NTHL1: variants seen among roughly 807,000 people sequenced by gnomAD.
NTHL1 encodes the protein nth like DNA glycosylase 1, also known as endonuclease III-like protein 1.
NTHL1 carries 32 observed loss-of-function variants against 32.3 expected under a neutral mutation model. The ratio of observed to expected loss-of-function variants is 0.99; its 90% CI spans 0.75 to 1.33. The LOEUF (loss-of-function observed/expected upper bound fraction) is 1.33, where lower values mean the gene tolerates loss of function less well. Ranked by LOEUF, NTHL1 falls within the 40% of genes most tolerant of loss-of-function variation. The pLI, the probability that NTHL1 is intolerant of heterozygous loss-of-function variation, is 0.00. For missense variants in NTHL1, 501 were observed against 414.1 expected (o/e 1.21, Z -1.82); for synonymous variants, 188 against 176.9 (o/e 1.06, Z -0.50).
chr16:2,044,928 C>G lies in NTHL1; in HGVS notation c.355-128G>C, dbSNP rs930291472. The G allele has an allele frequency of 2.7e-5, 30 of 1,092,338 alleles. No homozygotes were observed. The highest frequency in any genetic ancestry group is 1.6e-4 in the South Asian group (10 of 62,368). 67.7% of individuals were successfully genotyped at this position (1,092,338 alleles called of 1,614,324 possible). On this transcript the variant is annotated intron_variant, in intron 2 of 5. Transcript: ENST00000651570. This position sits in a 1 kb window ranked among gnomAD's most constrained non-coding sequence, Gnocchi z 5.0. ...GCCACACTTGAGGCATCAGCCTCCC[C>G]CTGTGGGGTGGGGAGGTCTGGTTTG...
chr16:2,042,627 G>GC (rs1015127684), intron 4 of NTHL1, among the ~76,000 whole-genome samples: 1 of 152,138 alleles, frequency 6.6e-6, no homozygotes, highest in Non-Finnish European at 1.5e-5. Flanking sequence ...GGCCTTAGGA[G>GC]CCCCAAATCC....
Position 2,043,952 on chromosome 16 carries a change from G to A in NTHL1, c.526-226C>T, listed in dbSNP as rs1323448841. On this transcript the variant is annotated intron_variant, in intron 3 of 5. Coordinates refer to ENST00000651570, the MANE Select transcript of NTHL1 (RefSeq NM_002528.7). The surrounding 1 kb of genome is among the most constrained non-coding windows in gnomAD (Gnocchi z 4.4). Reference sequence around the variant, plus strand: ...ACCCGTGTGGGCCAATGATGCACGTGTAGGCTCTGGCTGGGGTTCCCCTGC... The same window carrying A: ...ACCCGTGTGGGCCAATGATGCACGTATAGGCTCTGGCTGGGGTTCCCCTGC... 3.5e-6 allele frequency: 2 copies of A among 578,424 alleles called. No individual in the cohort carries two copies. Among genetic ancestry groups the A allele is most frequent in the Admixed American group, 5.9e-5 (2 of 34,046 alleles). The allele number at this position is 578,424 out of a possible 1,614,324, so 35.8% of individuals were successfully genotyped here. A position where few individuals can be genotyped will look rare whatever the true frequency, so the allele number is the denominator to read the frequency against.
chr16:2,047,405 G>A, intron 1 of NTHL1: 3 of 457,786 alleles, frequency 6.6e-6, no homozygotes, highest in Non-Finnish European at 1.2e-5. Context: ...GCAGGAGGGC[G>A]GGGATGGGAC....
In NTHL1 at chr16:2,040,151, A is replaced by G. The variant is rs758733120; in HGVS notation, c.773T>C (p.Leu258Pro). 1.2e-6 allele frequency: 2 copies of G among 1,613,912 alleles called. No homozygotes were observed. The highest frequency in any genetic ancestry group is 1.7e-5 in the Admixed American group (1 of 60,028). Residue 258 changes from leucine to proline, a missense_variant, in exon 5 of 6, where the codon CTG (leucine) becomes CCG (proline). Leu to Pro is a moderately conservative substitution (Grantham distance 98). Transcript: ENST00000651570. ...CTCATACCTAGGCAGCCACTCCTCC[A>G]GGGCGGCGCGGGTCTCCTCTGGGGA... ...TKSPEETRAA[L>P]EEWLPRELWH...
rs1596216455 is a variant in NTHL1 at position 2,040,206 on chromosome 16, T to C, written c.718A>G (p.Arg240Gly). ...VDTHVHRIAN[R>G]LRWTKKATKS... The stretch of plus-strand genomic sequence containing the variant: ...GTTGCCTTCTTGGTCCACCTCAGCC[T>C]GTTGGCGATTCTGTGCACATGCGTG... The change falls in exon 5 of 6, where the codon AGG becomes GGG. Residue 240 changes from arginine (R) to glycine (G), a missense_variant. Coordinates refer to ENST00000651570, the MANE Select transcript of NTHL1 (RefSeq NM_002528.7). 1 of 1,613,890 alleles carries C rather than the reference T, an allele frequency of 6.2e-7. No homozygotes were observed. The highest frequency in any genetic ancestry group is 1.7e-5 in the Admixed American group (1 of 60,024).
rs2084314062 is a variant in NTHL1 at position 2,044,512 on chromosome 16, C to A, written c.525+118G>T. 4 of 1,355,170 alleles carry A rather than the reference C, an allele frequency of 3.0e-6. No individual in the cohort carries two copies. Among genetic ancestry groups the A allele is most frequent in the Non-Finnish European group, 3.1e-6 (3 of 969,878 alleles). 83.9% of individuals were successfully genotyped at this position (1,355,170 alleles called of 1,614,324 possible). ...CGGCCTGGGGGGGGCTTCAGGGGGACCCCCCGAGCCTGAGATGCTTGACCC... is the reference window on the plus strand; with the variant it reads ...CGGCCTGGGGGGGGCTTCAGGGGGAACCCCCGAGCCTGAGATGCTTGACCC... On this transcript the variant is annotated intron_variant, in intron 3 of 5. Transcript: ENST00000651570. The surrounding 1 kb of genome is among the most constrained non-coding windows in gnomAD (Gnocchi z 5.0).
rs2084243378 is a variant in NTHL1, at chr16:2,040,200, T to C, written c.724A>G (p.Arg242Gly). The C allele has an allele frequency of 6.8e-6, 11 of 1,613,928 alleles. No individual in the cohort carries two copies. Among genetic ancestry groups the C allele is most frequent in the Non-Finnish European group, 9.3e-6 (11 of 1,180,018 alleles). Residue 242 changes from arginine (R) to glycine (G), a missense_variant, in exon 5 of 6, where the codon AGG becomes GGG. Transcript: ENST00000651570. ...THVHRIANRL[R>G]WTKKATKSPE... Reference sequence around the variant, plus strand: ...GACTTGGTTGCCTTCTTGGTCCACCTCAGCCTGTTGGCGATTCTGTGCACA... The same window carrying C: ...GACTTGGTTGCCTTCTTGGTCCACCCCAGCCTGTTGGCGATTCTGTGCACA...
At chr16:2,040,300 C>T (rs2084246732) in intron 4 of NTHL1, 62 bp from the exon 5 acceptor site, 2 of 1,497,880 alleles carry the variant, frequency 1.3e-6, no homozygotes, top group African/African-American at 2.7e-5. Context: ...CGTGCCCCTC[C>T]CCGCCCAGAG....
chr16:2,042,994 A>C (rs537425722), intron 4 of NTHL1, among the ~76,000 whole-genome samples: 1 of 62,232 alleles, frequency 1.6e-5, no homozygotes, highest in African/African-American at 6.3e-5. Context: ...TCCCCACCCC[A>C]CCTGCTGAGG....
intron 4 of NTHL1, chr16:2,041,960 C>A: frequency 2.2e-6 from 1 of 446,034 alleles, no homozygotes; most frequent in Non-Finnish European, 4.5e-6. Flanking sequence ...ACCACGTTGG[C>A]CAGGCTGATC....
chr16:2,047,469 T>G, intron 1 of NTHL1: 3 of 644,964 alleles, frequency 4.7e-6, no homozygotes, highest in Non-Finnish European at 7.7e-6. Context: ...AGGAAGCGTT[T>G]TCTTGCTTGG....
intron 4 of NTHL1, among the ~76,000 whole-genome samples, chr16:2,042,929 T>C (rs1284545392): frequency 1.8e-5 from 1 of 54,408 alleles, no homozygotes; most frequent in Non-Finnish European, 3.4e-5. Flanking sequence ...ATTCCCCTCC[T>C]GTCCCCGCAG....
At chr16:2,046,015 C>G (rs1266623677) in intron 2 of NTHL1, 113 bp downstream of exon 2, 2 of 814,678 alleles carry the variant, frequency 2.5e-6, no homozygotes, top group African/African-American at 3.4e-5. Context: ...GGTGTCCATC[C>G]TCCCAAGGTG....
intron 1 of NTHL1, 116 bp downstream of exon 1, chr16:2,047,593 C>T (rs894967994): frequency 7.7e-6 from 11 of 1,426,136 alleles, no homozygotes; most frequent in South Asian, 4.3e-5. Flanking sequence ...CCGTTCGCGG[C>T]TGCCGGGTTT....
chr16:2,043,699 T>G lies in NTHL1; in HGVS notation c.553A>C (p.Ser185Arg), dbSNP rs2084300945. ...RSKVKYIKQT[S>R]AILQQHYGGD... ...CCGTAGTGCTGCTGCAGGATGGCGC[T>G]GGTCTGCTTGATGTATTTCACCTTG... The change falls in exon 4 of 6, where the codon AGC becomes CGC. Residue 185 changes from serine (S) to arginine (R), a missense_variant. Ser to Arg is a moderately radical substitution (Grantham distance 110). Coordinates refer to ENST00000651570, the MANE Select transcript of NTHL1 (RefSeq NM_002528.7). This position sits in a 1 kb window ranked among gnomAD's most constrained non-coding sequence, Gnocchi z 4.4. 9 of 1,612,160 alleles carry G rather than the reference T, an allele frequency of 5.6e-6. No homozygotes were observed. Among genetic ancestry groups the G allele is most frequent in the Non-Finnish European group, 7.6e-6 (9 of 1,179,968 alleles).
In NTHL1 at chr16:2,043,495, C is replaced by T; in HGVS notation, c.685+72G>A. 2 of 1,585,164 alleles carry T rather than the reference C, an allele frequency of 1.3e-6. No individual in the cohort carries two copies. Among genetic ancestry groups the T allele is most frequent in the African/African-American group, 1.3e-5 (1 of 74,746 alleles). On this transcript the variant is annotated intron_variant, in intron 4 of 5. Transcript: ENST00000651570. This position sits in a 1 kb window ranked among gnomAD's most constrained non-coding sequence, Gnocchi z 4.4. ...GACCAGCATGCTGGAAGTGGAGTCACAGGTCACAAGGATGTGGGGAATCCC... is the reference window on the plus strand; with the variant it reads ...GACCAGCATGCTGGAAGTGGAGTCATAGGTCACAAGGATGTGGGGAATCCC...
intron 4 of NTHL1, chr16:2,042,030 G>T: frequency 2.2e-6 from 1 of 456,036 alleles, no homozygotes; most frequent in Non-Finnish European, 4.4e-6. Flanking sequence ...TGGGATTACA[G>T]GCTTGAGCCC....
Position 2,043,486 on chromosome 16 carries a change from G to A in NTHL1, c.685+81C>T, listed in dbSNP as rs2084296713. On this transcript the variant is annotated intron_variant, in intron 4 of 5. Transcript: ENST00000651570. The surrounding 1 kb of genome is among the most constrained non-coding windows in gnomAD (Gnocchi z 4.4). ...TGGGTGGAGGACCAGCATGCTGGAAGTGGAGTCACAGGTCACAAGGATGTG... is the reference window on the plus strand; with the variant it reads ...TGGGTGGAGGACCAGCATGCTGGAAATGGAGTCACAGGTCACAAGGATGTG... 8.9e-6 allele frequency: 14 copies of A among 1,572,000 alleles called. 1 individual carries two copies. In the South Asian group the frequency reaches 1.6e-4, roughly 17 times the overall value.
Position 2,039,843 on chromosome 16 carries a change from C to T in NTHL1, c.*81G>A. Reference sequence around the variant, plus strand: ...TCTGCAAACACACCAAAGCTTTATTCAACAGGCGTGGCTTCCTGAAGCGTA... The same window carrying T: ...TCTGCAAACACACCAAAGCTTTATTTAACAGGCGTGGCTTCCTGAAGCGTA... On this transcript the variant is annotated 3_prime_UTR_variant, in exon 6 of 6. Coordinates refer to ENST00000651570, the MANE Select transcript of NTHL1 (RefSeq NM_002528.7). 1 of 1,583,492 alleles carries T rather than the reference C, an allele frequency of 6.3e-7. No homozygotes were observed. Among genetic ancestry groups the T allele is most frequent in the Non-Finnish European group, 8.6e-7 (1 of 1,168,840 alleles).
Sources: allele counts gnomAD v4.1 joint callset (sites outside exome capture counted in the v4.1 genomes callset), GRCh38; gene constraint gnomAD v4.1.1; non-coding constraint Gnocchi (gnomAD v3.1); transcripts MANE v1.5; gene names NCBI Gene and HGNC (gene_info 2026-07-23, HGNC 2026-07-21).